The following ANXA4 variants were observed in gnomAD, a reference collection of about 807,000 sequenced individuals.
ANXA4 encodes annexin A4, also known as 35-beta calcimedin.
ANXA4 carries 39 observed loss-of-function variants against 49.8 expected under a neutral mutation model. The observed-to-expected ratio is 0.78, with a 90% CI of 0.61 to 1.02. The LOEUF is 1.02. Ranked by LOEUF, ANXA4 falls within the 50% of genes least tolerant of loss-of-function variation. The probability of loss-of-function intolerance (pLI) is 0.00; values close to 1 mark genes in which losing one functional copy is unlikely to be tolerated. For synonymous variants in ANXA4, 134 were observed against 152.5 expected (o/e 0.88, Z 0.89); for missense variants, 360 against 410.1 (o/e 0.88, Z 1.05).
At chr2:69,814,342 C>CTTTTTTTTTTTTTTT (rs781253870) in intron 8 of ANXA4, among the ~76,000 whole-genome samples, 23 of 97,292 alleles carry the variant, frequency 2.4e-4, no homozygotes, top group East Asian at 3.2e-4. Flanking sequence ...GTATTTTATT[C>CTTTTTTTTTTTTTTT]TTTTTTTTTT....
intron 3 of ANXA4, among the ~76,000 whole-genome samples, chr2:69,734,453 A>G (rs898709277): frequency 6.6e-6 from 1 of 152,234 alleles, no homozygotes; most frequent in African/African-American, 2.4e-5. Flanking sequence ...GGAGATAAGG[A>G]AGTATGCACA....
At chr2:69,773,154 C>T (rs773786762) in intron 1 of ANXA4, among the ~76,000 whole-genome samples, 1 of 152,082 alleles carries the variant, frequency 6.6e-6, no homozygotes, top group Non-Finnish European at 1.5e-5. Flanking sequence ...ATAAAAGTAC[C>T]CAGTGTTCAA....
intron 3 of ANXA4, among the ~76,000 whole-genome samples, chr2:69,722,711 G>A (rs1260333305): frequency 2.0e-5 from 3 of 151,924 alleles, no homozygotes; most frequent in African/African-American, 4.8e-5. Context: ...GCACAACATC[G>A]TGAATTTAAT....
intron 7 of ANXA4, chr2:69,810,941 T>C (rs1472795379): frequency 2.2e-6 from 1 of 454,362 alleles, no homozygotes; most frequent in Non-Finnish European, 4.0e-6. Flanking sequence ...ATGAAGATGA[T>C]TCAGAGGCAG....
chr2:69,654,378 T>C (rs969091183), intron 2 of ANXA4, among the ~76,000 whole-genome samples: 2 of 152,200 alleles, frequency 1.3e-5, no homozygotes, highest in Non-Finnish European at 2.9e-5. Context: ...TCAAAGGGAA[T>C]GCTTCCAGCT....
At chr2:69,703,434 C>T (rs1276690004) in intron 2 of ANXA4, among the ~76,000 whole-genome samples, 3 of 152,112 alleles carry the variant, frequency 2.0e-5, no homozygotes, top group African/African-American at 7.2e-5. Context: ...CATGTCCCCA[C>T]GAGTCCCCGG....
chr2:69,719,068 C>T (rs977326961), intron 2 of ANXA4, among the ~76,000 whole-genome samples: 1 of 151,344 alleles, frequency 6.6e-6, no homozygotes, highest in Non-Finnish European at 1.5e-5. Context: ...CCTCCACCTC[C>T]TAGGTTCAAG....
intron 2 of ANXA4, among the ~76,000 whole-genome samples, chr2:69,697,829 CA>C (rs900262278): frequency 2.6e-5 from 4 of 152,088 alleles, no homozygotes; most frequent in African/African-American, 9.6e-5. Flanking sequence ...ATGGTAACAT[CA>C]AAGATACCTG....
At position 69,742,147 on chromosome 2, in the gene ANXA4, C is replaced by G. The variant is rs1228015711; in HGVS notation, c.-75C>G. The G allele has an allele frequency of 6.6e-6, 1 of 152,464 alleles. No homozygotes were observed. Among genetic ancestry groups the G allele is most frequent in the Admixed American group, 6.5e-5 (1 of 15,302 alleles). 9.4% of individuals were successfully genotyped at this position (152,464 alleles called of 1,614,324 possible). ...CCTGAGTAGGGTGTGACCTCCGCAG[C>G]CGCAGAGGAGGAGCGCAGCCCGGCC... On this transcript the variant is annotated 5_prime_UTR_variant, in exon 1 of 13. Coordinates refer to ENST00000394295, the MANE Select transcript of ANXA4 (RefSeq NM_001153.5).
chr2:69,691,880 G>GT (rs1677984459), intron 2 of ANXA4, among the ~76,000 whole-genome samples: 2 of 152,050 alleles, frequency 1.3e-5, no homozygotes. Context: ...CAGGTTTTTT[G>GT]TTTTTTGTGT....
intron 3 of ANXA4, among the ~76,000 whole-genome samples, chr2:69,735,903 G>A (rs1164184437): frequency 2.0e-5 from 3 of 152,122 alleles, no homozygotes; most frequent in African/African-American, 7.2e-5. Context: ...CTAGTCACAT[G>A]TCTGGCACTG....
At chr2:69,804,438 G>A in intron 3 of ANXA4, 95 bp from the exon 4 acceptor site, 2 of 1,093,270 alleles carry the variant, frequency 1.8e-6, no homozygotes, top group Non-Finnish European at 2.7e-6. Context: ...AAAGCCCTCT[G>A]CATGTGTTTG....
intron 2 of ANXA4, among the ~76,000 whole-genome samples, chr2:69,784,006 G>T (rs957325544): frequency 6.6e-6 from 1 of 151,658 alleles, no homozygotes; most frequent in Non-Finnish European, 1.5e-5. Flanking sequence ...GATCTTTTTG[G>T]CATGTATCTT....
At chr2:69,726,159 G>A (rs760572865) in intron 3 of ANXA4, among the ~76,000 whole-genome samples, 5 of 152,168 alleles carry the variant, frequency 3.3e-5, no homozygotes, top group South Asian at 2.1e-4. Context: ...GGTTTCCCCC[G>A]TGATGTTCTC....
Position 69,825,799 on chromosome 2 carries a change from T to C in ANXA4, c.*284T>C. The C allele has an allele frequency of 3.7e-6, 1 of 270,574 alleles. No individual in the cohort carries two copies. Among genetic ancestry groups the C allele is most frequent in the Admixed American group, 5.2e-5 (1 of 19,058 alleles). The allele number at this position is 270,574 out of a possible 1,614,324, so 16.8% of individuals were successfully genotyped here. On this transcript the variant is annotated 3_prime_UTR_variant, in exon 13 of 13. Coordinates refer to ENST00000394295, the MANE Select transcript of ANXA4 (RefSeq NM_001153.5). ...TTTTAAAAGATTACTTTCTACTTTG[T>C]GTTTCACAGACATTGAATATATTAA...
intron 2 of ANXA4, among the ~76,000 whole-genome samples, chr2:69,658,153 T>C (rs555570554): frequency 2.4e-4 from 37 of 151,890 alleles, no homozygotes; most frequent in African/African-American, 8.4e-4. Flanking sequence ...ATCCCAGCAC[T>C]TTGAAAGGCT....
intron 2 of ANXA4, among the ~76,000 whole-genome samples, chr2:69,692,577 G>A (rs922598656): frequency 3.9e-5 from 6 of 152,168 alleles, no homozygotes; most frequent in Non-Finnish European, 5.9e-5. Flanking sequence ...TAGGCTGTCA[G>A]TTCTTTTGGG....
intron 3 of ANXA4, among the ~76,000 whole-genome samples, chr2:69,795,068 C>T (rs1300835178): frequency 6.6e-6 from 1 of 152,186 alleles, no homozygotes; most frequent in African/African-American, 2.4e-5. Context: ...TTTTGAGACT[C>T]TATACTCCCT....
chr2:69,722,277 C>G (rs529825915), intron 3 of ANXA4, among the ~76,000 whole-genome samples: 2 of 152,256 alleles, frequency 1.3e-5, no homozygotes, highest in South Asian at 2.1e-4. Context: ...GGTATATACT[C>G]AAAAGAATTT....
Sources: allele counts gnomAD v4.1 joint callset (sites outside exome capture counted in the v4.1 genomes callset), GRCh38; gene constraint gnomAD v4.1.1; transcripts MANE v1.5; gene names NCBI Gene and HGNC (gene_info 2026-07-23, HGNC 2026-07-21).